The following SNX19 variants were observed in gnomAD, a reference collection of about 807,000 sequenced individuals.
SNX19 encodes the protein sorting nexin 19, also known as sorting nexin-19.
A neutral mutation model predicts 85.2 loss-of-function variants in SNX19; 60 were observed. That is an observed-to-expected ratio of 0.70 (90% CI 0.57 to 0.87). The LOEUF (loss-of-function observed/expected upper bound fraction) is 0.87. SNX19 is among the 40% of genes least tolerant of loss of function. The probability of loss-of-function intolerance (pLI) is 0.00; values close to 1 mark genes in which losing one functional copy is unlikely to be tolerated. For synonymous variants in SNX19, 520 were observed against 470.0 expected (o/e 1.11, Z -1.38); for missense variants, 1,201 against 1,217.8 (o/e 0.99, Z 0.21).
intron 8 of SNX19, among the ~76,000 whole-genome samples, chr11:130,886,565 C>T (rs1167393581): frequency 6.6e-6 from 1 of 152,134 alleles, no homozygotes; most frequent in East Asian, 1.9e-4. Flanking sequence ...ACCATGAACA[C>T]TGTGTTCTGT....
chr11:130,909,566 C>T lies in SNX19; in HGVS notation c.2034+452G>A, dbSNP rs141488469. ...CCTCTTGAAAAAGATACAATTCTCT[C>T]CATACTCTGTTCTCTAGCGGAGAAC... On this transcript the variant is annotated intron_variant, in intron 4 of 10. Coordinates refer to ENST00000265909, the MANE Select transcript of SNX19 (RefSeq NM_014758.3). Among the ~76,000 whole-genome samples the T allele has an allele frequency of 2.2e-3, 330 of 152,308 alleles. 2 individuals are homozygous for T. The highest frequency in any genetic ancestry group is 7.4e-3 in the African/African-American group (308 of 41,556).
chr11:130,910,467 T>C, intron 2 of SNX19, 97 bp from the exon 3 acceptor site: 1 of 901,380 alleles, frequency 1.1e-6, no homozygotes, highest in Non-Finnish European at 1.7e-6. Flanking sequence ...CTATTGAATA[T>C]ATTTCCTTGG....
rs1942973318 is a variant in SNX19, at chr11:130,870,377, C to G, written c.*8045G>C. On this transcript the variant is annotated 3_prime_UTR_variant, in exon 11 of 11. Coordinates refer to ENST00000265909, the MANE Select transcript of SNX19 (RefSeq NM_014758.3). The stretch of plus-strand genomic sequence containing the variant: ...TGCTGCAAGTGTTATATGCCATCCG[C>G]AAACCCACATGGGTGCAGGGTGCAC... 1 of 152,274 alleles carries G rather than the reference C, an allele frequency of 6.6e-6. No individual in the cohort carries two copies. 9.4% of individuals were successfully genotyped at this position (152,274 alleles called of 1,614,324 possible).
chr11:130,894,908 A>C, intron 8 of SNX19: 1 of 985,458 alleles, frequency 1.0e-6, no homozygotes, highest in Non-Finnish European at 1.2e-6. Context: ...ATCCCCCCAA[A>C]GAACTTCATG....
At position 130,878,435 on chromosome 11, in the gene SNX19, C is replaced by A; in HGVS notation, c.2966G>T (p.Gly989Val). Residue 989 changes from glycine to valine, a missense_variant, in exon 11 of 11, where the codon GGT (glycine) becomes GTT (valine). Coordinates refer to ENST00000265909, the MANE Select transcript of SNX19 (RefSeq NM_014758.3). ...GTGAATAACCAGCTAAGAGGAGACACCCATCCTCTTAGAGTTGCCTGGGGT... is the reference window on the plus strand; with the variant it reads ...GTGAATAACCAGCTAAGAGGAGACAACCATCCTCTTAGAGTTGCCTGGGGT... ...SDTPGNSKRM[G>V]VSS The A allele has an allele frequency of 6.2e-7, 1 of 1,613,716 alleles. No homozygotes were observed. The highest frequency in any genetic ancestry group is 8.5e-7 in the Non-Finnish European group (1 of 1,179,788).
At chr11:130,911,869 G>A in intron 1 of SNX19, 98 bp from the exon 2 acceptor site, 1 of 1,196,546 alleles carries the variant, frequency 8.4e-7, no homozygotes, top group Non-Finnish European at 1.2e-6. Context: ...CATAGCAAGA[G>A]TACGAAACTA....
chr11:130,905,728 G>A lies in SNX19; in HGVS notation c.2443+225C>T, dbSNP rs561360735. ...AGCATGATCTCATCCTGCTGGATTA[G>A]AACTTCCTGTGTTTGTGCCCTGTTC... On this transcript the variant is annotated intron_variant, in intron 7 of 10. Coordinates refer to ENST00000265909, the MANE Select transcript of SNX19 (RefSeq NM_014758.3). 86 of 1,536,016 alleles carry A rather than the reference G, an allele frequency of 5.6e-5. No individual in the cohort carries two copies. In the South Asian group the frequency reaches 9.4e-4, roughly 17 times the overall value.
chr11:130,914,934 C>T lies in SNX19; in HGVS notation c.1006G>A (p.Val336Ile). The change falls in exon 1 of 11, where the codon GTA (valine) becomes ATA (isoleucine). Residue 336 changes from valine (V) to isoleucine (I), a missense_variant. By Grantham distance (29) the Val-to-Ile change is conservative (BLOSUM62 3). Coordinates refer to ENST00000265909, the MANE Select transcript of SNX19 (RefSeq NM_014758.3). ...SPEVEEGHEA[V>I]EGDLGGMCEE... is the part of the protein sequence containing the mutation. ...CACATCCCACCCAAATCTCCCTCTA[C>T]AGCTTCGTGGCCTTCTTCAACCTCT... The T allele has an allele frequency of 1.2e-6, 2 of 1,614,236 alleles. No individual in the cohort carries two copies. The highest frequency in any genetic ancestry group is 1.7e-6 in the Non-Finnish European group (2 of 1,180,034).
chr11:130,888,053 T>C (rs776365209), intron 8 of SNX19, among the ~76,000 whole-genome samples: 14 of 152,078 alleles, frequency 9.2e-5, no homozygotes, highest in Non-Finnish European at 1.9e-4. Context: ...CTGACTCATA[T>C]TGAGTTTTCA....
In SNX19 at chr11:130,874,329, G is replaced by A. The variant is rs1034504164; in HGVS notation, c.*4093C>T. Among the ~76,000 whole-genome samples the A allele has an allele frequency of 3.3e-5, 5 of 152,170 alleles. No homozygotes were observed. The highest frequency in any genetic ancestry group is 1.2e-4 in the African/African-American group (5 of 41,438). On this transcript the variant is annotated 3_prime_UTR_variant, in exon 11 of 11. Coordinates refer to ENST00000265909, the MANE Select transcript of SNX19 (RefSeq NM_014758.3). ...GAGCCGCTGTGCCCGGCCTAGAAGAGGATTCTTGAAGGACTTCTGGGAAAT... is the reference window on the plus strand; with the variant it reads ...GAGCCGCTGTGCCCGGCCTAGAAGAAGATTCTTGAAGGACTTCTGGGAAAT...
intron 8 of SNX19, among the ~76,000 whole-genome samples, chr11:130,885,967 A>C (rs1422581447): frequency 6.6e-6 from 1 of 152,204 alleles, no homozygotes; most frequent in Non-Finnish European, 1.5e-5. Flanking sequence ...CCTGTGCATT[A>C]TAAAACATTC....
In SNX19 at chr11:130,906,609, G is replaced by A; in HGVS notation, c.2262+16C>T. On this transcript the variant is annotated intron_variant, in intron 6 of 10. Transcript: ENST00000265909. ...CAGATATTTTTGCCTCACATTCTCTGGGTTTTGGTTCTTACCACATTGCCT... is the reference window on the plus strand; with the variant it reads ...CAGATATTTTTGCCTCACATTCTCTAGGTTTTGGTTCTTACCACATTGCCT... 1 of 1,574,910 alleles carries A rather than the reference G, an allele frequency of 6.3e-7. No individual in the cohort carries two copies. Among genetic ancestry groups the A allele is most frequent in the Non-Finnish European group, 8.7e-7 (1 of 1,144,948 alleles).
chr11:130,906,738 G>C lies in SNX19; in HGVS notation c.2166-17C>G. 2 of 1,574,276 alleles carry C rather than the reference G, an allele frequency of 1.3e-6. No individual in the cohort carries two copies. The highest frequency in any genetic ancestry group is 1.7e-6 in the Non-Finnish European group (2 of 1,144,514). ...AGCCTAGACCTGGTACAGAAACAAA[G>C]AGCAGAAACAGGTTGTAATTTATGG... On this transcript the variant is annotated splice_polypyrimidine_tract_variant and intron_variant, in intron 5 of 10. Transcript: ENST00000265909.
At position 130,915,158 on chromosome 11, in the gene SNX19, T is replaced by A; in HGVS notation, c.782A>T (p.His261Leu). Residue 261 changes from histidine to leucine, a missense_variant, in exon 1 of 11, where the codon CAC becomes CTC. His to Leu is a moderately conservative substitution (Grantham distance 99). Transcript: ENST00000265909. ...ISRLSDPDWI[H>L]LVLVGIFSKA... ...GGAAAAGATACCCACGAGTACAAGG[T>A]GGATCCAGTCAGGATCTGACAGCCT... The A allele has an allele frequency of 1.9e-6, 3 of 1,614,136 alleles. No homozygotes were observed. Among genetic ancestry groups the A allele is most frequent in the Non-Finnish European group, 2.5e-6 (3 of 1,180,010 alleles).
At chr11:130,903,451 T>C in intron 7 of SNX19, 67 bp from the exon 8 acceptor site, 1 of 1,555,248 alleles carries the variant, frequency 6.4e-7, no homozygotes, top group South Asian at 1.2e-5. Context: ...TCTTTCAAGG[T>C]ACTGGTGGCA....
Position 130,875,101 on chromosome 11 carries a change from C to A in SNX19, c.*3321G>T, listed in dbSNP as rs570144656. Among the ~76,000 whole-genome samples, 1 of 152,182 alleles carries A rather than the reference C, an allele frequency of 6.6e-6. No homozygotes were observed. The highest frequency in any genetic ancestry group is 2.1e-4 in the South Asian group (1 of 4,824). On this transcript the variant is annotated 3_prime_UTR_variant, in exon 11 of 11. Coordinates refer to ENST00000265909, the MANE Select transcript of SNX19 (RefSeq NM_014758.3). ...AGCATTGTTTTCAACAATCAAGGCGCGGAGCCAACCTAAATGTCCCTCAAT... is the reference window on the plus strand; with the variant it reads ...AGCATTGTTTTCAACAATCAAGGCGAGGAGCCAACCTAAATGTCCCTCAAT...
chr11:130,902,973 TGA>T (rs1187656209), intron 8 of SNX19: 9 of 295,674 alleles, frequency 3.0e-5, no homozygotes, highest in Non-Finnish European at 5.1e-5. Context: ...GGTGGAAAAT[TGA>T]GAGGAGGAAG....
chr11:130,895,336 T>C (rs1944805264), intron 8 of SNX19, among the ~76,000 whole-genome samples: 2 of 152,238 alleles, frequency 1.3e-5, no homozygotes, highest in Admixed American at 1.3e-4. Flanking sequence ...CCCCCAGCAC[T>C]GTTGAGGAAA....
chr11:130,903,611 C>G (rs1945416008), intron 7 of SNX19, among the ~76,000 whole-genome samples: 1 of 151,006 alleles, frequency 6.6e-6, no homozygotes, highest in Non-Finnish European at 1.5e-5. Flanking sequence ...ATATTGTAAC[C>G]TAATAAATGT....
Sources: gnomAD v4.1 joint callset for allele counts (sites outside exome capture counted in the v4.1 genomes callset) on GRCh38, gnomAD v4.1.1 for gene constraint, MANE v1.5 for transcripts, NCBI Gene and HGNC (gene_info 2026-07-23, HGNC 2026-07-21) for gene names.